The following ANKFY1 variants were observed in gnomAD, a reference collection of about 807,000 sequenced individuals.
ANKFY1 encodes ankyrin repeat and FYVE domain-containing protein 1.
Under a neutral mutation model 128.3 loss-of-function variants are expected in ANKFY1, and 47 were observed. The ratio of observed to expected loss-of-function variants is 0.37; its 90% CI spans 0.29 to 0.47. The LOEUF (loss-of-function observed/expected upper bound fraction) is 0.47, where lower values mean the gene tolerates loss of function less well. Among genes scored for constraint, ANKFY1 ranks in the 20% least tolerant of loss-of-function variants. ANKFY1 has a pLI of 1.00. For synonymous variants in ANKFY1, 553 were observed against 601.6 expected (o/e 0.92, Z 1.18); for missense variants, 1,222 against 1,510.6 (o/e 0.81, Z 3.17).
intron 4 of ANKFY1, among the ~76,000 whole-genome samples, chr17:4,211,696 T>G (rs1405435812): frequency 6.6e-6 from 1 of 151,984 alleles, no homozygotes; most frequent in Non-Finnish European, 1.5e-5. Context: ...AGCAAGACCC[T>G]GTCTCTACCA....
intron 4 of ANKFY1, among the ~76,000 whole-genome samples, chr17:4,210,482 GT>G (rs1378928597): frequency 4.6e-5 from 7 of 152,172 alleles, no homozygotes; most frequent in Non-Finnish European, 7.3e-5. Context: ...GCCGAGGTGG[GT>G]GGATCACCTG....
intron 1 of ANKFY1, among the ~76,000 whole-genome samples, chr17:4,250,410 G>C (rs1190860634): frequency 6.6e-6 from 1 of 152,184 alleles, no homozygotes; most frequent in Non-Finnish European, 1.5e-5. Context: ...ATTTTTAATA[G>C]TATACCAAAC....
Position 4,167,947 on chromosome 17 carries a change from CCAA to C in ANKFY1, c.3378-39_3378-37del. 1 of 1,597,710 alleles carries C rather than the reference CCAA, an allele frequency of 6.3e-7. No homozygotes were observed. Reference sequence around the variant, plus strand: ...AAAGAAAGGAAGTATGAGAGGAGCGCCAACGACAGACTCTGCTTCCTGGCACGT... The same window carrying C: ...AAAGAAAGGAAGTATGAGAGGAGCGCCGACAGACTCTGCTTCCTGGCACGT... On this transcript the variant is annotated intron_variant, in intron 24 of 24. Transcript: ENST00000341657. The surrounding 1 kb of genome is among the most constrained non-coding windows in gnomAD (Gnocchi z 4.1).
At chr17:4,239,361 G>GA (rs1200365798) in intron 2 of ANKFY1, among the ~76,000 whole-genome samples, 4 of 151,402 alleles carry the variant, frequency 2.6e-5, no homozygotes, top group East Asian at 1.9e-4. Flanking sequence ...GGAAGAAGAG[G>GA]AAAAAAAAGA....
At chr17:4,254,624 G>A (rs1429455784) in intron 1 of ANKFY1, among the ~76,000 whole-genome samples, 1 of 152,178 alleles carries the variant, frequency 6.6e-6, no homozygotes, top group East Asian at 1.9e-4. Flanking sequence ...CATCTAGCTT[G>A]TGGAAATCTG....
At chr17:4,211,444 C>T (rs887537076) in intron 4 of ANKFY1, among the ~76,000 whole-genome samples, 3 of 150,972 alleles carry the variant, frequency 2.0e-5, no homozygotes, top group Admixed American at 6.6e-5. Flanking sequence ...GTACACCCCC[C>T]ACACCAAAAA....
chr17:4,179,256 G>A lies in ANKFY1; in HGVS notation c.2398-199C>T. On this transcript the variant is annotated intron_variant, in intron 17 of 24. Transcript: ENST00000341657. ...TGTTACACCACGTTCCAGTGACCCA[G>A]TGGTGACCGTAGGACCAGCACAAAC... The A allele has an allele frequency of 1.7e-5, 11 of 632,840 alleles. No individual in the cohort carries two copies. In the South Asian group the frequency reaches 2.1e-4, roughly 12 times the overall value. 39.2% of individuals were successfully genotyped at this position (632,840 alleles called of 1,614,324 possible). A position where few individuals can be genotyped will look rare whatever the true frequency, so the allele number is the denominator to read the frequency against.
chr17:4,209,025 C>T (rs753423922), intron 5 of ANKFY1, among the ~76,000 whole-genome samples: 1 of 151,344 alleles, frequency 6.6e-6, no homozygotes, highest in Non-Finnish European at 1.5e-5. Flanking sequence ...TGCCATTGCA[C>T]TCCAGCCTGG....
Position 4,181,781 on chromosome 17 carries a change from G to T in ANKFY1, c.2121+400C>A, listed in dbSNP as rs1043880674. 1.3e-5 allele frequency among the ~76,000 whole-genome samples: 2 copies of T among 152,172 alleles called. No homozygotes were observed. Among genetic ancestry groups the T allele is most frequent in the African/African-American group, 4.8e-5 (2 of 41,444 alleles). On this transcript the variant is annotated intron_variant, in intron 15 of 24. Coordinates refer to ENST00000341657, the MANE Select transcript of ANKFY1 (RefSeq NM_001330063.2). The surrounding 1 kb of genome is among the most constrained non-coding windows in gnomAD (Gnocchi z 4.9). ...ACAACGCCTTCATATCACACTGCAG[G>T]CCCTTCGGAGAGCTGAATGAGAATG... is the stretch of plus-strand genomic sequence containing the variant.
chr17:4,244,088 G>T (rs542615691), intron 1 of ANKFY1, among the ~76,000 whole-genome samples: 1 of 152,022 alleles, frequency 6.6e-6, no homozygotes. Flanking sequence ...GCACCACCAC[G>T]CCCAGCTAAT....
Position 4,178,698 on chromosome 17 carries a change from C to A in ANKFY1, c.2598+159G>T. 1.4e-6 allele frequency: 1 copy of A among 721,402 alleles called. No homozygotes were observed. The highest frequency in any genetic ancestry group is 2.3e-6 in the Non-Finnish European group (1 of 428,840). The allele number at this position is 721,402 out of a possible 1,614,324, so 44.7% of individuals were successfully genotyped here. A position where few individuals can be genotyped will look rare whatever the true frequency, so the allele number is the denominator to read the frequency against. On this transcript the variant is annotated intron_variant, in intron 18 of 24. Coordinates refer to ENST00000341657, the MANE Select transcript of ANKFY1 (RefSeq NM_001330063.2). This position sits in a 1 kb window ranked among gnomAD's most constrained non-coding sequence, Gnocchi z 4.1. ...CAGAGGAGCCGGATCTCATCCTGCA[C>A]GGATGGGACATCTCAACAGCCACAT...
At chr17:4,235,744 T>C in intron 3 of ANKFY1, 28 bp downstream of exon 3, 2 of 1,543,136 alleles carry the variant, frequency 1.3e-6, no homozygotes, top group African/African-American at 1.4e-5. Context: ...GCTAGCAGTT[T>C]TGTGTCCCTG....
intron 1 of ANKFY1, among the ~76,000 whole-genome samples, chr17:4,262,541 C>G (rs1968475920): frequency 6.6e-6 from 1 of 152,130 alleles, no homozygotes; most frequent in Non-Finnish European, 1.5e-5. Flanking sequence ...AAATTACTAG[C>G]GCGAGCCACC....
chr17:4,202,577 G>T (rs930569000), intron 7 of ANKFY1, among the ~76,000 whole-genome samples: 52 of 126,648 alleles, frequency 4.1e-4, no homozygotes, highest in Non-Finnish European at 8.0e-4. Flanking sequence ...CGCGCCTGTA[G>T]TCCCAGCTAC....
In ANKFY1 at chr17:4,208,058, T is replaced by C. The variant is rs770926594; in HGVS notation, c.607A>G (p.Ser203Gly). The stretch of plus-strand genomic sequence containing the variant: ...TATAACAACTGAGCGCTCATGCTGC[T>C]GAAATCCTCCTTCCTCAGGTCGTCC... ...HWDDLRKEDF[S>G]SMSAQLLYKM... The change falls in exon 6 of 25, where the codon AGC becomes GGC. Residue 203 changes from serine to glycine, a missense_variant. Ser to Gly is a moderately conservative substitution (Grantham distance 56). Transcript: ENST00000341657. 1 of 1,609,212 alleles carries C rather than the reference T, an allele frequency of 6.2e-7. No homozygotes were observed. The highest frequency in any genetic ancestry group is 8.5e-7 in the Non-Finnish European group (1 of 1,178,116).
intron 3 of ANKFY1, among the ~76,000 whole-genome samples, chr17:4,224,973 TTTTGTGCTTATC>T (rs1372870318): frequency 6.7e-6 from 1 of 150,360 alleles, no homozygotes; most frequent in Non-Finnish European, 1.5e-5. Context: ...AACTGGTAAA[TTTTGTGCTTATC>T]TTCAAGGCTG....
chr17:4,202,981 C>CACATATATATATATAT (rs56856304), intron 7 of ANKFY1, among the ~76,000 whole-genome samples: 59 of 146,300 alleles, frequency 4.0e-4, no homozygotes, highest in African/African-American at 1.4e-3. Flanking sequence ...TAATCATACA[C>CACATATATATATATAT]ATATATATAT....
At chr17:4,226,381 G>A (rs547545001) in intron 3 of ANKFY1, among the ~76,000 whole-genome samples, 2 of 152,152 alleles carry the variant, frequency 1.3e-5, no homozygotes, top group African/African-American at 4.8e-5. Flanking sequence ...TTTTTAATTA[G>A]TCAAGTGTGG....
At chr17:4,262,146 G>A (rs1433127022) in intron 1 of ANKFY1, among the ~76,000 whole-genome samples, 35 of 152,338 alleles carry the variant, frequency 2.3e-4, no homozygotes, top group Non-Finnish European at 1.5e-4. Flanking sequence ...GGGTGACATA[G>A]TGTGACCTAG....
Sources: gnomAD v4.1 joint callset for allele counts (sites outside exome capture counted in the v4.1 genomes callset) on GRCh38, gnomAD v4.1.1 for gene constraint, Gnocchi (gnomAD v3.1) non-coding constraint, MANE v1.5 for transcripts, NCBI Gene and HGNC (gene_info 2026-07-23, HGNC 2026-07-21) for gene names.